MACC1: variants seen among roughly 807,000 people sequenced by gnomAD.
MACC1 encodes MET transcriptional regulator MACC1.
A neutral mutation model predicts 70.7 loss-of-function variants in MACC1; 79 were observed. That is an observed-to-expected ratio of 1.12 (90% confidence interval 0.93 to 1.35). MACC1 has a LOEUF of 1.35. Among genes scored for constraint, MACC1 ranks in the 40% most tolerant of loss-of-function variants. The pLI is 0.00. For synonymous variants in MACC1, 361 were observed against 347.2 expected, an observed-to-expected ratio of 1.04 and a Z score of -0.44; for missense variants, 1,106 against 978.1, an observed-to-expected ratio of 1.13 and a Z score of -1.74.
At chr7:20,180,613 G>C (rs1782488844) in intron 1 of MACC1, among the ~76,000 whole-genome samples, 1 of 152,162 alleles carries the variant, frequency 6.6e-6, no homozygotes. Flanking sequence ...GGGAGAACAA[G>C]GTGGGTGGAT....
Position 20,136,649 on chromosome 7 carries a change from A to C in MACC1, c.*4297T>G, listed in dbSNP as rs1781720994. The C allele has an allele frequency of 6.6e-6, 1 of 151,966 alleles. No homozygotes were observed. Among genetic ancestry groups the C allele is most frequent in the South Asian group, 2.1e-4 (1 of 4,832 alleles). 9.4% of individuals were successfully genotyped at this position (151,966 alleles called of 1,614,324 possible). The stretch of plus-strand genomic sequence containing the variant: ...AAACAAACCTTCGACATGCCATTTG[A>C]TTCTGAAAAAATGTCTTTGGATTAT... On this transcript the variant is annotated 3_prime_UTR_variant, in exon 7 of 7. Transcript: ENST00000400331.
intron 1 of MACC1, among the ~76,000 whole-genome samples, chr7:20,203,867 A>G (rs1782869587): frequency 3.9e-5 from 6 of 152,184 alleles, no homozygotes; most frequent in Admixed American, 3.9e-4. Context: ...GGCTCTGGTA[A>G]TAATAGCTAA....
intron 2 of MACC1, among the ~76,000 whole-genome samples, chr7:20,169,253 T>C (rs192584146): frequency 1.3e-5 from 2 of 152,328 alleles, no homozygotes; most frequent in East Asian, 3.9e-4. Context: ...CTCTGAGAAA[T>C]AAATTAGCTA....
Position 20,183,185 on chromosome 7 carries a change from C to G in MACC1, c.-217-12407G>C, listed in dbSNP as rs578000952. ...TTTAAAAGCAGAATCTTCTCTAGCTCGTTGCAGAAGAGGAATTCAGAGATT... is the reference window on the plus strand; with the variant it reads ...TTTAAAAGCAGAATCTTCTCTAGCTGGTTGCAGAAGAGGAATTCAGAGATT... On this transcript the variant is annotated intron_variant, in intron 1 of 6. Coordinates refer to ENST00000400331, the MANE Select transcript of MACC1 (RefSeq NM_182762.4). Among the ~76,000 whole-genome samples the G allele has an allele frequency of 3.1e-4, 47 of 152,172 alleles. 1 individual carries two copies. Among genetic ancestry groups the G allele is most frequent in the Admixed American group, 3.1e-3 (47 of 15,280 alleles).
intron 6 of MACC1, among the ~76,000 whole-genome samples, chr7:20,141,547 G>T (rs1781802649): frequency 1.0e-5 from 1 of 98,962 alleles, no homozygotes; most frequent in Non-Finnish European, 1.9e-5. Flanking sequence ...CCTATCTGTG[G>T]TGAGTTTTAT....
At chr7:20,210,523 C>T (rs912387480) in intron 1 of MACC1, among the ~76,000 whole-genome samples, 22 of 152,202 alleles carry the variant, frequency 1.4e-4, no homozygotes, top group Non-Finnish European at 2.8e-4. Context: ...ATGAATGACG[C>T]TACCTACGTC....
At chr7:20,210,864 G>C (rs1053946410) in intron 1 of MACC1, among the ~76,000 whole-genome samples, 26 of 152,126 alleles carry the variant, frequency 1.7e-4, no homozygotes, top group Admixed American at 6.5e-5. Flanking sequence ...TTTCTAAAGA[G>C]CTACTGCCTC....
chr7:20,172,467 A>G (rs1163138161), intron 1 of MACC1, among the ~76,000 whole-genome samples: 1 of 152,198 alleles, frequency 6.6e-6, no homozygotes, highest in Admixed American at 6.5e-5. Context: ...AAAATAAAAT[A>G]TATAAATATA....
intron 6 of MACC1, among the ~76,000 whole-genome samples, chr7:20,150,261 C>G (rs923486569): frequency 4.6e-5 from 7 of 152,030 alleles, no homozygotes; most frequent in African/African-American, 1.7e-4. Flanking sequence ...AACCAATGTC[C>G]AGAACTGATA....
At chr7:20,194,419 A>G (rs1782719112) in intron 1 of MACC1, among the ~76,000 whole-genome samples, 1 of 152,196 alleles carries the variant, frequency 6.6e-6, no homozygotes, top group African/African-American at 2.4e-5. Context: ...TGTTCTTTCT[A>G]GTTTTCATTA....
chr7:20,203,730 T>C (rs1213668419), intron 1 of MACC1, among the ~76,000 whole-genome samples: 2 of 152,202 alleles, frequency 1.3e-5, no homozygotes, highest in African/African-American at 2.4e-5. Context: ...AGCTCAAGAT[T>C]TGTGAAAATA....
rs547446296 is a variant in MACC1 at position 20,188,758 on chromosome 7, C to T, written c.-217-17980G>A. Among the ~76,000 whole-genome samples the T allele has an allele frequency of 2.1e-3, 313 of 152,310 alleles. 1 individual carries two copies. The highest frequency in any genetic ancestry group is 2.7e-3 in the Non-Finnish European group (185 of 68,028). On this transcript the variant is annotated intron_variant, in intron 1 of 6. Transcript: ENST00000400331. ...CTATTGCCAAAGTCACTGGTAAACT[C>T]TCATTGCTCAACATGCTTGACCTGT...
At chr7:20,206,080 G>A (rs1220254233) in intron 1 of MACC1, among the ~76,000 whole-genome samples, 5 of 151,192 alleles carry the variant, frequency 3.3e-5, no homozygotes, top group Admixed American at 2.0e-4. Flanking sequence ...ACACATTATC[G>A]TCATCTGCTT....
At chr7:20,199,530 C>T (rs1403959799) in intron 1 of MACC1, among the ~76,000 whole-genome samples, 1 of 152,224 alleles carries the variant, frequency 6.6e-6, no homozygotes, top group Non-Finnish European at 1.5e-5. Context: ...CCAACCTGCC[C>T]TCTCCAACAC....
In MACC1 at chr7:20,199,186, TAAG is replaced by T. The variant is rs528630384; in HGVS notation, c.-218+18110_-218+18112del. Among the ~76,000 whole-genome samples, 361 of 152,288 alleles carry T rather than the reference TAAG, an allele frequency of 2.4e-3. 1 individual carries two copies. Among genetic ancestry groups the T allele is most frequent in the Non-Finnish European group, 4.1e-3 (282 of 68,022 alleles). Reference sequence around the variant, plus strand: ...CAATGTTATTAGCTCCATTTGCAGATAAGAAATTGAGACAGACACAGATTATGT... The same window carrying T: ...CAATGTTATTAGCTCCATTTGCAGATAAATTGAGACAGACACAGATTATGT... On this transcript the variant is annotated intron_variant, in intron 1 of 6. Transcript: ENST00000400331.
chr7:20,216,006 C>T (rs1004442623), intron 1 of MACC1, among the ~76,000 whole-genome samples: 1 of 152,112 alleles, frequency 6.6e-6, no homozygotes, highest in Non-Finnish European at 1.5e-5. Context: ...TTTCTAGATT[C>T]TGTACACTAC....
At chr7:20,215,629 C>G (rs1783058329) in intron 1 of MACC1, among the ~76,000 whole-genome samples, 1 of 152,194 alleles carries the variant, frequency 6.6e-6, no homozygotes, top group Admixed American at 6.5e-5. Flanking sequence ...ATCACCTTCA[C>G]TTATCACCAA....
At chr7:20,160,339 G>T in intron 4 of MACC1, 94 bp from the exon 5 acceptor site, 1 of 1,396,136 alleles carries the variant, frequency 7.2e-7, no homozygotes, top group African/African-American at 1.4e-5. Context: ...AAAAATTCAG[G>T]ACTTACTTTT....
rs1345700982 is a variant in MACC1, at chr7:20,160,209, TC to T, written c.151del (p.Asp51MetfsTer31). On this transcript the variant is annotated frameshift_variant, in exon 5 of 7. Transcript: ENST00000400331. LOFTEE classifies it high-confidence loss of function. Reference sequence around the variant, plus strand: ...ATTATTACCACGAAGGGTGAAAGCATCCGGCCAATTGTGAAGCAAGTCTGGG... The same window carrying T: ...ATTATTACCACGAAGGGTGAAAGCATCGGCCAATTGTGAAGCAAGTCTGGG... The part of the protein sequence containing the change: ...QDPDLLHNWP[D>X]AFTLRGNNAS... 1 of 1,590,750 alleles carries T rather than the reference TC, an allele frequency of 6.3e-7. No individual in the cohort carries two copies. The highest frequency in any genetic ancestry group is 1.8e-5 in the Admixed American group (1 of 54,410).
Sources: gnomAD v4.1 joint callset for allele counts (sites outside exome capture counted in the v4.1 genomes callset) on GRCh38, gnomAD v4.1.1 for gene constraint, MANE v1.5 for transcripts, NCBI Gene and HGNC (gene_info 2026-07-23, HGNC 2026-07-21) for gene names.